ADAMTS19: variants seen among roughly 807,000 people sequenced by gnomAD.
ADAMTS19 encodes the protein A disintegrin and metalloproteinase with thrombospondin motifs 19.
In ADAMTS19, 93 loss-of-function variants were observed where a neutral mutation model predicts 153.3. The observed-to-expected ratio is 0.61, with a 90% confidence interval of 0.51 to 0.72. The LOEUF is 0.72. Among genes scored for constraint, ADAMTS19 ranks in the 30% least tolerant of loss-of-function variants. ADAMTS19 has a pLI of 0.00. For missense variants in ADAMTS19, 1,482 were observed against 1,552.1 expected, an observed-to-expected ratio of 0.95 and a Z score of 0.76; for synonymous variants, 600 against 556.6, an observed-to-expected ratio of 1.08 and a Z score of -1.10.
intron 6 of ADAMTS19, among the ~76,000 whole-genome samples, chr5:129,543,175 C>T (rs1489857392): frequency 6.6e-6 from 1 of 151,598 alleles, no homozygotes; most frequent in Non-Finnish European, 1.5e-5. Flanking sequence ...TTAGCCTCTT[C>T]AGTAGCTGGG....
chr5:129,643,599 G>A (rs1231015238), intron 11 of ADAMTS19, among the ~76,000 whole-genome samples: 1 of 151,650 alleles, frequency 6.6e-6, no homozygotes, highest in Non-Finnish European at 1.5e-5. Flanking sequence ...AAGAAAAAAT[G>A]TACAAATTGT....
intron 21 of ADAMTS19, among the ~76,000 whole-genome samples, chr5:129,728,400 T>C (rs1757297293): frequency 6.6e-6 from 1 of 152,190 alleles, no homozygotes. Flanking sequence ...TTAGGGTACA[T>C]GTACACAACG....
At chr5:129,610,266 T>C (rs1223915232) in intron 8 of ADAMTS19, among the ~76,000 whole-genome samples, 2 of 152,232 alleles carry the variant, frequency 1.3e-5, no homozygotes, top group East Asian at 3.9e-4. Context: ...AAACGCAGAT[T>C]AGAATGGAAG....
intron 7 of ADAMTS19, among the ~76,000 whole-genome samples, chr5:129,583,959 G>A (rs999600515): frequency 4.6e-5 from 7 of 151,948 alleles, no homozygotes; most frequent in African/African-American, 1.4e-4. Context: ...CCTTGCTGGC[G>A]AGGAGTTGTG....
At chr5:129,717,917 G>T (rs1273663941) in intron 21 of ADAMTS19, among the ~76,000 whole-genome samples, 1 of 152,136 alleles carries the variant, frequency 6.6e-6, no homozygotes, top group Non-Finnish European at 1.5e-5. Context: ...TGTTGGACTA[G>T]ACATGGAAAG....
Position 129,665,547 on chromosome 5 carries a change from T to C in ADAMTS19, c.2474T>C (p.Val825Ala), listed in dbSNP as rs1754009780. Reference protein sequence around the residue: ...VIPAGARRIKVVEEKPAHSYL... With the variant: ...VIPAGARRIKAVEEKPAHSYL... ...CCTGCTGGAGCAAGAAGAATCAAAGTTGTGGAGGAAAAGCCGGCACATAGC... is the reference window on the plus strand; with the variant it reads ...CCTGCTGGAGCAAGAAGAATCAAAGCTGTGGAGGAAAAGCCGGCACATAGC... The change falls in exon 16 of 23, where the codon GTT (valine) becomes GCT (alanine). Residue 825 changes from valine (V) to alanine (A), a missense_variant. This residue lies in a region of ADAMTS19 where 616 missense variants were observed against 724.4 expected (regional missense o/e 0.85). Coordinates refer to ENST00000274487, the MANE Select transcript of ADAMTS19 (RefSeq NM_133638.6). 1 of 1,610,488 alleles carries C rather than the reference T, an allele frequency of 6.2e-7. No homozygotes were observed. Among genetic ancestry groups the C allele is most frequent in the Non-Finnish European group, 8.5e-7 (1 of 1,177,736 alleles).
At chr5:129,474,886 T>C (rs1363133593) in intron 2 of ADAMTS19, among the ~76,000 whole-genome samples, 2 of 152,206 alleles carry the variant, frequency 1.3e-5, no homozygotes, top group African/African-American at 4.8e-5. Flanking sequence ...GTAATATTTG[T>C]CATCTTTGGT....
At chr5:129,525,021 C>A (rs927192457) in intron 3 of ADAMTS19, among the ~76,000 whole-genome samples, 7 of 152,092 alleles carry the variant, frequency 4.6e-5, no homozygotes, top group African/African-American at 1.7e-4. Context: ...CAGCTGGCTC[C>A]TTTTCATTGC....
At chr5:129,633,281 G>A (rs113171564) in intron 10 of ADAMTS19, among the ~76,000 whole-genome samples, 92 of 151,792 alleles carry the variant, frequency 6.1e-4, no homozygotes, top group African/African-American at 2.1e-3. Flanking sequence ...GCCAATTTCC[G>A]TTACCTCACT....
At position 129,737,925 on chromosome 5, in the gene ADAMTS19, G is replaced by A. The variant is rs1757739387; in HGVS notation, c.*707G>A. The A allele has an allele frequency of 6.6e-6, 1 of 152,504 alleles. No homozygotes were observed. Among genetic ancestry groups the A allele is most frequent in the Non-Finnish European group, 1.5e-5 (1 of 67,986 alleles). 9.4% of individuals were successfully genotyped at this position (152,504 alleles called of 1,614,324 possible). A position where few individuals can be genotyped will look rare whatever the true frequency, so the allele number is the denominator to read the frequency against. On this transcript the variant is annotated 3_prime_UTR_variant, in exon 23 of 23. Coordinates refer to ENST00000274487, the MANE Select transcript of ADAMTS19 (RefSeq NM_133638.6). ...GAATCACAATTGCACTGTTGATATA[G>A]TGTAGAGAAATCGTTAGAAATGGTG...
At chr5:129,716,387 T>C (rs977694185) in intron 21 of ADAMTS19, among the ~76,000 whole-genome samples, 5 of 151,920 alleles carry the variant, frequency 3.3e-5, no homozygotes, top group Admixed American at 2.0e-4. Context: ...TTAGTAGAGA[T>C]GGGGTTTTGC....
intron 6 of ADAMTS19, among the ~76,000 whole-genome samples, chr5:129,538,213 A>G (rs1256346601): frequency 6.6e-6 from 1 of 152,138 alleles, no homozygotes; most frequent in Non-Finnish European, 1.5e-5. Context: ...AAGTACAAGA[A>G]TAAAGATAAA....
rs1364442660 is a variant in ADAMTS19, at chr5:129,578,136, ACCTATATG to A, written c.1373-18421_1373-18414del. 4.6e-5 allele frequency among the ~76,000 whole-genome samples: 6 copies of A among 129,720 alleles called. No individual in the cohort carries two copies. The East Asian group carries it at 1.1e-3, about 25-fold the overall frequency. The allele number at this position is 129,720 out of a possible 152,430, so 85.1% of individuals were successfully genotyped here. ...TGTATATGTACGTATACGTACATAT[ACCTATATG>A]CATGTATATGTACGTATACGTACAT... On this transcript the variant is annotated intron_variant, in intron 7 of 22. Coordinates refer to ENST00000274487, the MANE Select transcript of ADAMTS19 (RefSeq NM_133638.6).
At chr5:129,482,235 T>A (rs551918455) in intron 2 of ADAMTS19, among the ~76,000 whole-genome samples, 215 of 152,264 alleles carry the variant, frequency 1.4e-3, no homozygotes, top group African/African-American at 4.9e-3. Flanking sequence ...CAGTGTTGTT[T>A]CCAGATATTC....
At chr5:129,694,649 T>A in intron 18 of ADAMTS19, 71 bp from the exon 19 acceptor site, 1 of 1,191,486 alleles carries the variant, frequency 8.4e-7, no homozygotes, top group South Asian at 3.4e-5. Context: ...CATAATAAGC[T>A]TATGAACACC....
chr5:129,692,853 G>A (rs991721394), intron 18 of ADAMTS19, among the ~76,000 whole-genome samples: 3 of 152,122 alleles, frequency 2.0e-5, no homozygotes, highest in African/African-American at 7.2e-5. Context: ...AATGCCATAG[G>A]GTACTGGTAG....
At chr5:129,700,388 C>A (rs1755778251) in intron 19 of ADAMTS19, among the ~76,000 whole-genome samples, 1 of 152,092 alleles carries the variant, frequency 6.6e-6, no homozygotes, top group African/African-American at 2.4e-5. Flanking sequence ...GCATGTGTAG[C>A]TCCATGTGGG....
intron 19 of ADAMTS19, among the ~76,000 whole-genome samples, chr5:129,698,539 C>T (rs1046859459): frequency 7.9e-5 from 12 of 152,156 alleles, no homozygotes; most frequent in South Asian, 2.1e-4. Flanking sequence ...TTCTAAGCCA[C>T]GAAAATGTTT....
At chr5:129,658,361 G>GAAAA (rs1221254489) in intron 14 of ADAMTS19, among the ~76,000 whole-genome samples, 1 of 150,208 alleles carries the variant, frequency 6.7e-6, no homozygotes, top group Admixed American at 6.6e-5. Context: ...AAGAAAGAAA[G>GAAAA]AAAGAAAGAG....
Sources: gnomAD v4.1 joint callset for allele counts (sites outside exome capture counted in the v4.1 genomes callset) on GRCh38, gnomAD v4.1.1 for gene constraint, gnomAD v4.1.1 regional missense constraint, MANE v1.5 for transcripts, NCBI Gene and HGNC (gene_info 2026-07-23, HGNC 2026-07-21) for gene names.